The following KATNBL1 variants were observed in gnomAD, a reference collection of about 807,000 sequenced individuals.
KATNBL1 encodes KATNB1-like protein 1.
In KATNBL1, 28 loss-of-function variants were observed where a neutral mutation model predicts 44.7. That is an observed-to-expected ratio of 0.63 (90% CI 0.46 to 0.86). KATNBL1 has a LOEUF of 0.86. KATNBL1 is among the 40% of genes least tolerant of loss of function. KATNBL1 has a pLI of 0.00. For synonymous variants in KATNBL1, 78 were observed against 114.9 expected (o/e 0.68, Z 2.06); for missense variants, 272 against 350.7 (o/e 0.78, Z 1.79).
intron 4 of KATNBL1, among the ~76,000 whole-genome samples, chr15:34,151,283 CTG>C (rs922970499): frequency 5.9e-5 from 9 of 152,066 alleles, no homozygotes; most frequent in Non-Finnish European, 1.0e-4. Flanking sequence ...GCCATTCTAA[CTG>C]GTATGAGATG....
intron 1 of KATNBL1, 104 bp from the exon 2 acceptor site, chr15:34,163,794 G>T: frequency 1.7e-6 from 1 of 577,226 alleles, no homozygotes; most frequent in Middle Eastern, 2.8e-4. Flanking sequence ...TATAAAAAAG[G>T]CAGAGGACAT....
In KATNBL1 at chr15:34,141,320, T is replaced by C. The variant is rs1448658248; in HGVS notation, c.*1019A>G. On this transcript the variant is annotated 3_prime_UTR_variant, in exon 10 of 10. Coordinates refer to ENST00000256544, the MANE Select transcript of KATNBL1 (RefSeq NM_024713.3). ...TTAACTGTAAACCATTCTAAATCAC[T>C]GTATGTAACTCTTTAAAACATATGT... 1 of 152,608 alleles carries C rather than the reference T, an allele frequency of 6.6e-6. No individual in the cohort carries two copies. The highest frequency in any genetic ancestry group is 2.4e-5 in the African/African-American group (1 of 41,450). The allele number at this position is 152,608 out of a possible 1,614,324, so 9.5% of individuals were successfully genotyped here. A position where few individuals can be genotyped will look rare whatever the true frequency, so the allele number is the denominator to read the frequency against.
At chr15:34,206,167 G>A (rs112675083) in intron 1 of KATNBL1, among the ~76,000 whole-genome samples, 1,976 of 152,256 alleles carry the variant, frequency 0.013, 13 homozygotes, top group Middle Eastern at 0.044. Context: ...ACCAAGCTGT[G>A]CATCTTAAGA....
chr15:34,145,290 T>G, intron 9 of KATNBL1, 108 bp downstream of exon 9: 1 of 1,414,914 alleles, frequency 7.1e-7, no homozygotes, highest in South Asian at 1.3e-5. Flanking sequence ...CTTTAGACAT[T>G]AGAACAGTAC....
rs201270564 is a variant in KATNBL1 at position 34,153,087 on chromosome 15, T to C, written c.159-18A>G. On this transcript the variant is annotated intron_variant, in intron 3 of 9. Transcript: ENST00000256544. Reference sequence around the variant, plus strand: ...CAACTGTTCTGTAAAAAGAATTTATTTTCTTAAATGAAAAAGAACCATATG... The same window carrying C: ...CAACTGTTCTGTAAAAAGAATTTATCTTCTTAAATGAAAAAGAACCATATG... 5 of 1,556,954 alleles carry C rather than the reference T, an allele frequency of 3.2e-6. No individual in the cohort carries two copies. In the South Asian group the frequency reaches 3.6e-5, roughly 11 times the overall value.
chr15:34,155,122 G>A (rs151203074), intron 2 of KATNBL1, among the ~76,000 whole-genome samples: 11 of 152,300 alleles, frequency 7.2e-5, no homozygotes, highest in Admixed American at 1.3e-4. Flanking sequence ...GCAAGGAGGT[G>A]TAAAGAATGA....
intron 1 of KATNBL1, among the ~76,000 whole-genome samples, chr15:34,189,134 GAT>G (rs1889804680): frequency 6.6e-6 from 1 of 152,066 alleles, no homozygotes; most frequent in African/African-American, 2.4e-5. Context: ...GGGTTCAAGT[GAT>G]TTTCCTGCCT....
chr15:34,177,678 C>A (rs1304342276), intron 1 of KATNBL1: 3 of 143,962 alleles, frequency 2.1e-5, no homozygotes, highest in Non-Finnish European at 4.6e-5. Flanking sequence ...ACATACTCCA[C>A]ATCTACTTAA....
chr15:34,187,481 A>G (rs1436084110), intron 1 of KATNBL1, among the ~76,000 whole-genome samples: 1 of 152,214 alleles, frequency 6.6e-6, no homozygotes, highest in African/African-American at 2.4e-5. Context: ...TCGACACCCC[A>G]GAGATCCCAT....
intron 1 of KATNBL1, among the ~76,000 whole-genome samples, chr15:34,204,783 T>C (rs907237158): frequency 5.9e-5 from 9 of 152,156 alleles, no homozygotes; most frequent in African/African-American, 1.9e-4. Flanking sequence ...TAAGTAATTA[T>C]TGAGTACAGG....
intron 1 of KATNBL1, among the ~76,000 whole-genome samples, chr15:34,181,797 C>T (rs1567532286): frequency 1.4e-5 from 1 of 71,360 alleles, no homozygotes; most frequent in Admixed American, 1.3e-4. Context: ...TATATATATC[C>T]ATATATATAC....
At chr15:34,165,240 C>T (rs1345225766) in intron 1 of KATNBL1, among the ~76,000 whole-genome samples, 1 of 152,134 alleles carries the variant, frequency 6.6e-6, no homozygotes, top group Admixed American at 6.5e-5. Flanking sequence ...CTGGAGCTTA[C>T]ATTGGGGGCG....
intron 1 of KATNBL1, among the ~76,000 whole-genome samples, chr15:34,186,089 CT>C (rs1259917161): frequency 2.0e-5 from 3 of 152,178 alleles, no homozygotes; most frequent in African/African-American, 7.2e-5. Flanking sequence ...TTTCAGTACC[CT>C]CCTTTCTATT....
chr15:34,194,484 A>C (rs76284591), intron 1 of KATNBL1, among the ~76,000 whole-genome samples: 10,231 of 152,074 alleles, frequency 0.067, 392 homozygotes, highest in Middle Eastern at 0.11. Context: ...TTACATGAGC[A>C]TGGTGGCACG....
chr15:34,147,619 T>C (rs1374565171), intron 5 of KATNBL1, among the ~76,000 whole-genome samples, 189 bp from the exon 6 acceptor site: 1 of 97,182 alleles, frequency 1.0e-5, no homozygotes, highest in Non-Finnish European at 2.1e-5. Flanking sequence ...TGAGCAACTG[T>C]GGGGGTTGGG....
At chr15:34,152,009 C>A (rs189504655) in intron 4 of KATNBL1, among the ~76,000 whole-genome samples, 6 of 147,994 alleles carry the variant, frequency 4.1e-5, no homozygotes, top group Non-Finnish European at 6.0e-5. Context: ...GGAATGATCG[C>A]GGCTCACTGC....
chr15:34,208,282 T>C (rs982363895), intron 1 of KATNBL1, among the ~76,000 whole-genome samples: 1 of 152,194 alleles, frequency 6.6e-6, no homozygotes, highest in Non-Finnish European at 1.5e-5. Flanking sequence ...CCAAAGTCCA[T>C]AGTGTCATTC....
intron 4 of KATNBL1, among the ~76,000 whole-genome samples, chr15:34,149,319 A>G (rs1240011207): frequency 1.3e-5 from 2 of 152,326 alleles, no homozygotes; most frequent in South Asian, 2.1e-4. Flanking sequence ...CTAGACAAAG[A>G]CAAATTAAGT....
At chr15:34,201,036 C>T (rs968318378) in intron 1 of KATNBL1, among the ~76,000 whole-genome samples, 4 of 152,028 alleles carry the variant, frequency 2.6e-5, no homozygotes, top group Non-Finnish European at 5.9e-5. Context: ...AGAATGGTCT[C>T]GATCTCCTGA....
Sources: allele counts gnomAD v4.1 joint callset (sites outside exome capture counted in the v4.1 genomes callset), GRCh38; gene constraint gnomAD v4.1.1; transcripts MANE v1.5; gene names NCBI Gene and HGNC (gene_info 2026-07-23, HGNC 2026-07-21).